Variants in MINK1 observed in about 807,000 individuals in gnomAD.
The protein encoded by MINK1 is misshapen-like kinase 1.
Under a neutral mutation model 178.4 loss-of-function variants are expected in MINK1, and 46 were observed. The observed-to-expected ratio is 0.26, with a 90% confidence interval of 0.20 to 0.33. The LOEUF is 0.33. Ranked by LOEUF, MINK1 falls within the 10% of genes least tolerant of loss-of-function variation. MINK1 has a pLI of 1.00. For synonymous variants in MINK1, 797 were observed against 709.7 expected, an observed-to-expected ratio of 1.12 and a Z score of -1.96; for missense variants, 1,366 against 1,814.9, an observed-to-expected ratio of 0.75 and a Z score of 4.49.
intron 1 of MINK1, among the ~76,000 whole-genome samples, chr17:4,858,953 C>G (rs1913657153): frequency 6.6e-6 from 1 of 152,024 alleles, no homozygotes; most frequent in Admixed American, 6.6e-5. Flanking sequence ...GCCTTGTCCT[C>G]CCAACACCCG....
intron 1 of MINK1, chr17:4,859,015 C>A: frequency 1.7e-6 from 1 of 585,482 alleles, no homozygotes; most frequent in Non-Finnish European, 2.2e-6. Flanking sequence ...GCCCCACCTC[C>A]TGCCCTGTTT....
At chr17:4,876,662 A>G (rs956305622) in intron 1 of MINK1, among the ~76,000 whole-genome samples, 1 of 152,012 alleles carries the variant, frequency 6.6e-6, no homozygotes, top group African/African-American at 2.4e-5. Flanking sequence ...ATATGCTTTT[A>G]GGATTATCAG....
At chr17:4,847,265 C>A (rs1408577238) in intron 1 of MINK1, 2 of 455,798 alleles carry the variant, frequency 4.4e-6, no homozygotes, top group Non-Finnish European at 8.8e-6. Flanking sequence ...TTCATTCATT[C>A]AGATGGAGTC....
At chr17:4,854,510 T>C (rs1912701152) in intron 1 of MINK1, among the ~76,000 whole-genome samples, 1 of 152,206 alleles carries the variant, frequency 6.6e-6, no homozygotes, top group South Asian at 2.1e-4. Flanking sequence ...GTATGTGTAT[T>C]CATGTATGTG....
chr17:4,837,747 C>A (rs915108819), intron 1 of MINK1, among the ~76,000 whole-genome samples: 1 of 152,202 alleles, frequency 6.6e-6, no homozygotes, highest in South Asian at 2.1e-4. Context: ...TTTTTACCAT[C>A]CAGCTCGAAG....
chr17:4,851,856 C>T (rs916639776), intron 1 of MINK1, among the ~76,000 whole-genome samples: 10 of 151,844 alleles, frequency 6.6e-5, no homozygotes, highest in African/African-American at 1.9e-4. Flanking sequence ...AAAAATTAGC[C>T]GGGTGTGGTG....
At position 4,895,578 on chromosome 17, in the gene MINK1, C is replaced by T. The variant is rs1175757333; in HGVS notation, c.3229+85C>T. 1.9e-6 allele frequency: 3 copies of T among 1,546,812 alleles called. No individual in the cohort carries two copies. Among genetic ancestry groups the T allele is most frequent in the Non-Finnish European group, 2.6e-6 (3 of 1,143,250 alleles). ...CTTCTGCCTGGGAGGAGGGCAGGCA[C>T]TGGAAGGTGGGGCCACACTTTCTCA... On this transcript the variant is annotated intron_variant, in intron 26 of 31. Transcript: ENST00000355280. The surrounding 1 kb of genome is among the most constrained non-coding windows in gnomAD (Gnocchi z 4.3).
At position 4,875,665 on chromosome 17, in the gene MINK1, G is replaced by A. The variant is rs369762671; in HGVS notation, c.58-2652G>A. On this transcript the variant is annotated intron_variant, in intron 1 of 31. Coordinates refer to ENST00000355280, the MANE Select transcript of MINK1 (RefSeq NM_153827.5). ...CACACGCCTGTAGTCCCAGCTACTC[G>A]GGAGGCTGAGGCAGGAGAATCATTT... 1.9e-4 allele frequency: 58 copies of A among 307,508 alleles called. 1 individual carries two copies. Among genetic ancestry groups the A allele is most frequent in the East Asian group, 1.7e-3 (15 of 8,756 alleles). The allele number at this position is 307,508 out of a possible 1,614,324, so 19.0% of individuals were successfully genotyped here.
Position 4,892,199 on chromosome 17 carries a change from C to T in MINK1, c.2052C>T (p.Ala684=), listed in dbSNP as rs201175554. ...CCACTGCCCTTAACACCAGTGGGGC[C>T]GGAGGGTCCCGGCCAGCCCAGGCAG... is the stretch of plus-strand genomic sequence containing the variant. ...SIATALNTSG[A]GGSRPAQAVR... Residue 684 remains alanine, a synonymous_variant, in exon 17 of 32, where the codon GCC becomes GCT. Coordinates refer to ENST00000355280, the MANE Select transcript of MINK1 (RefSeq NM_153827.5). The T allele has an allele frequency of 9.2e-4, 1,476 of 1,598,146 alleles. 5 individuals are homozygous for T. The highest frequency in any genetic ancestry group is 1.0e-3 in the Middle Eastern group (6 of 6,030).
At chr17:4,872,891 G>A (rs889977086) in intron 1 of MINK1, among the ~76,000 whole-genome samples, 2 of 152,164 alleles carry the variant, frequency 1.3e-5, no homozygotes, top group Non-Finnish European at 2.9e-5. Context: ...AGCTCTAGCT[G>A]TCATCTGATT....
At position 4,891,018 on chromosome 17, in the gene MINK1, C is replaced by T. The variant is rs201950050; in HGVS notation, c.1634C>T (p.Thr545Met). 2.8e-4 allele frequency: 432 copies of T among 1,559,336 alleles called. 1 individual carries two copies. Among genetic ancestry groups the T allele is most frequent in the Non-Finnish European group, 3.3e-4 (384 of 1,151,716 alleles). The stretch of plus-strand genomic sequence containing the variant: ...TTGGCCAAGAGCAAGCCAGGCAGCA[C>T]GGGGCCTGAGCCCCCCATCCCCCAG... ...SPLAKSKPGS[T>M]GPEPPIPQAS... The change falls in exon 15 of 32, where the codon ACG (threonine) becomes ATG (methionine). Residue 545 changes from threonine to methionine, a missense_variant. Thr to Met is a moderately conservative substitution (Grantham distance 81). Coordinates refer to ENST00000355280, the MANE Select transcript of MINK1 (RefSeq NM_153827.5).
intron 1 of MINK1, chr17:4,860,846 C>T: frequency 5.8e-6 from 3 of 513,482 alleles, no homozygotes; most frequent in Admixed American, 2.0e-5. Flanking sequence ...GGGGAGATGC[C>T]GAAGCCTTAG....
Position 4,886,202 on chromosome 17 carries a change from G to C in MINK1, c.773+4G>C. The C allele has an allele frequency of 1.2e-6, 2 of 1,613,704 alleles. No individual in the cohort carries two copies. The highest frequency in any genetic ancestry group is 1.7e-6 in the Non-Finnish European group (2 of 1,179,606). On this transcript the variant is annotated splice_donor_region_variant and intron_variant, in intron 9 of 31. Coordinates refer to ENST00000355280, the MANE Select transcript of MINK1 (RefSeq NM_153827.5). This position sits in a 1 kb window ranked among gnomAD's most constrained non-coding sequence, Gnocchi z 6.1. ...CCAGGCTCAAGTCCAAGAAGTGGTAGGTCTCTGAGAGTGTGGGCTCTGGGA... is the reference window on the plus strand; with the variant it reads ...CCAGGCTCAAGTCCAAGAAGTGGTACGTCTCTGAGAGTGTGGGCTCTGGGA...
At chr17:4,844,811 C>T (rs527295517) in intron 1 of MINK1, among the ~76,000 whole-genome samples, 1 of 152,184 alleles carries the variant, frequency 6.6e-6, no homozygotes, top group South Asian at 2.1e-4. Flanking sequence ...TGTCTCATTT[C>T]CCCCCACCCT....
intron 19 of MINK1, 37 bp downstream of exon 19, chr17:4,892,805 T>A (rs1359018101): frequency 6.4e-7 from 1 of 1,550,450 alleles, no homozygotes. Context: ...GCTCTGGGCC[T>A]GGGGGCTTAT....
Position 4,895,109 on chromosome 17 carries a change from G to C in MINK1, c.2952G>C (p.Gln984His), listed in dbSNP as rs547354186. The C allele has an allele frequency of 1.1e-5, 18 of 1,613,732 alleles. 1 individual carries two copies. The South Asian group carries it at 1.9e-4, about 17-fold the overall frequency. ...LVGGEGTRLD[Q>H]LQYDVRKGSV... ...GTGGAGAGGGCACTCGGCTCGACCA[G>C]CTGCAGTACGACGTGAGGAAGGGTT... The change falls in exon 25 of 32, where the codon CAG becomes CAC. Residue 984 changes from glutamine to histidine, a missense_variant. Physicochemically the swap from Gln to His is conservative, Grantham distance 24. Coordinates refer to ENST00000355280, the MANE Select transcript of MINK1 (RefSeq NM_153827.5). The surrounding 1 kb of genome is among the most constrained non-coding windows in gnomAD (Gnocchi z 4.3).
At chr17:4,840,997 G>A (rs1229762050) in intron 1 of MINK1, among the ~76,000 whole-genome samples, 6 of 152,082 alleles carry the variant, frequency 3.9e-5, no homozygotes, top group Non-Finnish European at 7.4e-5. Flanking sequence ...TAAGAAACGT[G>A]GTGATAGTTG....
In MINK1 at chr17:4,839,036, C is replaced by T. The variant is rs181609423; in HGVS notation, c.57+5396C>T. On this transcript the variant is annotated intron_variant, in intron 1 of 31. Transcript: ENST00000355280. ...TTGGCTCACTGCAAGCTCCACCTCCCAGGTTCACGCCATTCTCCTGCTTCA... is the reference window on the plus strand; with the variant it reads ...TTGGCTCACTGCAAGCTCCACCTCCTAGGTTCACGCCATTCTCCTGCTTCA... 4.3e-3 allele frequency among the ~76,000 whole-genome samples: 658 copies of T among 152,204 alleles called. 4 individuals are homozygous for T. Among genetic ancestry groups the T allele is most frequent in the African/African-American group, 0.015 (611 of 41,524 alleles).
At position 4,887,266 on chromosome 17, in the gene MINK1, C is replaced by T; in HGVS notation, c.1019+87C>T. 7 of 1,370,104 alleles carry T rather than the reference C, an allele frequency of 5.1e-6. No individual in the cohort carries two copies. Among genetic ancestry groups the T allele is most frequent in the Non-Finnish European group, 7.1e-6 (7 of 985,924 alleles). 84.9% of individuals were successfully genotyped at this position (1,370,104 alleles called of 1,614,324 possible). On this transcript the variant is annotated intron_variant, in intron 11 of 31. Coordinates refer to ENST00000355280, the MANE Select transcript of MINK1 (RefSeq NM_153827.5). This position sits in a 1 kb window ranked among gnomAD's most constrained non-coding sequence, Gnocchi z 7.6. ...GTGCTTGGCTTTGGGGACTCTCAGC[C>T]TGGGGGTGGTGGGCACAGAGAGGTA...
Sources: allele counts gnomAD v4.1 joint callset (sites outside exome capture counted in the v4.1 genomes callset), GRCh38; gene constraint gnomAD v4.1.1; non-coding constraint Gnocchi (gnomAD v3.1); transcripts MANE v1.5; gene names NCBI Gene and HGNC (gene_info 2026-07-23, HGNC 2026-07-21).